CALN1: variants seen among roughly 807,000 people sequenced by gnomAD.
CALN1 encodes the protein calcium-binding protein 8.
A neutral mutation model predicts 30.6 loss-of-function variants in CALN1; 17 were observed. That is an observed-to-expected ratio of 0.56 (90% CI 0.38 to 0.83). The LOEUF (loss-of-function observed/expected upper bound fraction) is 0.83, where lower values mean the gene tolerates loss of function less well. Ranked by LOEUF, CALN1 falls within the 40% of genes least tolerant of loss-of-function variation. The probability of loss-of-function intolerance (pLI) is 0.00; values close to 1 mark genes in which losing one functional copy is unlikely to be tolerated. For synonymous variants in CALN1, 156 were observed against 131.4 expected (o/e 1.19, Z -1.28); for missense variants, 291 against 354.9 (o/e 0.82, Z 1.45).
intron 3 of CALN1, among the ~76,000 whole-genome samples, chr7:72,247,162 C>T (rs1194738465): frequency 6.8e-6 from 1 of 146,566 alleles, no homozygotes; most frequent in African/African-American, 2.5e-5. Context: ...GAGAAAGCTA[C>T]AAGGTATTTC....
At chr7:72,450,925 A>C (rs1585742515), upstream of CALN1, among the ~76,000 whole-genome samples, 1 of 152,056 alleles carries the variant, frequency 6.6e-6, no homozygotes, top group African/African-American at 2.4e-5. Flanking sequence ...AGTGGCCTCA[A>C]CTCTGCCCTT....
At chr7:72,320,622 G>C (rs919683479) in intron 2 of CALN1, among the ~76,000 whole-genome samples, 7 of 151,822 alleles carry the variant, frequency 4.6e-5, no homozygotes, top group African/African-American at 1.7e-4. Context: ...ATCAATTGAG[G>C]TCAGGAGTTC....
intron 2 of CALN1, among the ~76,000 whole-genome samples, chr7:72,320,074 T>C (rs894351254): frequency 6.6e-6 from 1 of 151,858 alleles, no homozygotes; most frequent in African/African-American, 2.4e-5. Context: ...TGAGCTGAGA[T>C]CGTGCCGTTA....
intron 4 of CALN1, among the ~76,000 whole-genome samples, chr7:72,096,071 AG>A (rs1373763761): frequency 6.6e-6 from 1 of 151,742 alleles, no homozygotes; most frequent in Non-Finnish European, 1.5e-5. Flanking sequence ...ATAGATAGAT[AG>A]ATAGATAGAT....
chr7:72,011,078 G>A (rs764200541), intron 5 of CALN1, among the ~76,000 whole-genome samples: 4 of 151,426 alleles, frequency 2.6e-5, no homozygotes, highest in Admixed American at 6.6e-5. Context: ...GCTTGAACCC[G>A]GGAGGCAGAG....
chr7:72,300,874 T>A (rs1799212988), intron 2 of CALN1, among the ~76,000 whole-genome samples: 1 of 152,064 alleles, frequency 6.6e-6, no homozygotes, highest in African/African-American at 2.4e-5. Context: ...GTGCCTGTAA[T>A]CCCAGCTACT....
intron 2 of CALN1, among the ~76,000 whole-genome samples, chr7:72,284,286 C>A (rs573724369): frequency 6.6e-6 from 1 of 152,252 alleles, no homozygotes; most frequent in African/African-American, 2.4e-5. Context: ...CAGAGGGAGA[C>A]CTTGTCTCTA....
chr7:71,798,111 CAGAGACAGAGACAGAGAG>C (rs1787054719), intron 6 of CALN1, among the ~76,000 whole-genome samples: 1 of 49,506 alleles, frequency 2.0e-5, no homozygotes, highest in Non-Finnish European at 3.7e-5. Flanking sequence ...CAGAGAGAGA[CAGAGACAGAGACAGAGAG>C]AGAGAGAGAG....
the CALN1 span, among the ~76,000 whole-genome samples, chr7:72,466,829 AAGAG>A: frequency 6.8e-6 from 1 of 147,504 alleles, no homozygotes; most frequent in Non-Finnish European, 1.5e-5. Flanking sequence ...AAAAGAAAGA[AAGAG>A]AGAGAAAGAA....
intron 5 of CALN1, among the ~76,000 whole-genome samples, chr7:71,922,610 C>CACAGAATATATTATATATAAATATATA (rs1562903006): frequency 2.0e-4 from 26 of 132,210 alleles, no homozygotes; most frequent in African/African-American, 6.0e-4. Flanking sequence ...ATATATAACA[C>CACAGAATATATTATATATAAATATATA]ACAGAATATA....
intron 2 of CALN1, among the ~76,000 whole-genome samples, chr7:72,324,605 CAG>C (rs1249660759): frequency 6.6e-6 from 1 of 150,698 alleles, no homozygotes; most frequent in Non-Finnish European, 1.5e-5. Flanking sequence ...TATTTAGAGA[CAG>C]AGTCTCCCTC....
the CALN1 span, among the ~76,000 whole-genome samples, chr7:72,485,989 C>G: frequency 6.6e-6 from 1 of 151,996 alleles, no homozygotes; most frequent in Admixed American, 6.6e-5. Context: ...CTCACTCTGT[C>G]GCCATTGTTA....
chr7:72,408,793 C>G (rs1806892497), intron 1 of CALN1, among the ~76,000 whole-genome samples: 1 of 150,648 alleles, frequency 6.6e-6, no homozygotes. Context: ...CCTGCCACCT[C>G]CAGTCCCCTC....
intron 1 of CALN1, among the ~76,000 whole-genome samples, chr7:72,432,632 T>C (rs1351700917): frequency 6.6e-6 from 1 of 152,188 alleles, no homozygotes; most frequent in African/African-American, 2.4e-5. Flanking sequence ...CTTGTTTTCA[T>C]TGTCTATTTA....
intron 5 of CALN1, among the ~76,000 whole-genome samples, chr7:71,840,438 T>C (rs1789867724): frequency 7.1e-6 from 1 of 141,054 alleles, no homozygotes; most frequent in Non-Finnish European, 1.5e-5. Flanking sequence ...TGAGCTACGA[T>C]TGCACCATGG....
intron 5 of CALN1, among the ~76,000 whole-genome samples, chr7:71,955,428 G>A (rs1796909844): frequency 6.6e-6 from 1 of 152,046 alleles, no homozygotes; most frequent in African/African-American, 2.4e-5. Flanking sequence ...TTTTGCATAC[G>A]TTCCTTTATT....
chr7:71,823,076 C>G (rs557619141), intron 5 of CALN1, among the ~76,000 whole-genome samples: 47 of 152,310 alleles, frequency 3.1e-4, no homozygotes, highest in African/African-American at 1.0e-3. Context: ...TTCTCCCCTT[C>G]TCTCATGACA....
chr7:72,080,202 T>A (rs996425940), intron 4 of CALN1, among the ~76,000 whole-genome samples: 1 of 152,226 alleles, frequency 6.6e-6, no homozygotes, highest in African/African-American at 2.4e-5. Flanking sequence ...AACCTGTTAC[T>A]TCATTTTTTT....
upstream of CALN1, among the ~76,000 whole-genome samples, chr7:72,452,110 G>T (rs976357177): frequency 6.6e-6 from 1 of 152,142 alleles, no homozygotes; most frequent in African/African-American, 2.4e-5. Context: ...TTAATATTCT[G>T]CTTGTTGTCT....
Sources: allele counts gnomAD v4.1 joint callset (sites outside exome capture counted in the v4.1 genomes callset), GRCh38; gene constraint gnomAD v4.1.1; transcripts MANE v1.5; gene names NCBI Gene and HGNC (gene_info 2026-07-23, HGNC 2026-07-21).